CMIP: variants seen among roughly 807,000 people sequenced by gnomAD.
The protein encoded by CMIP is c-Maf inducing protein.
Under a neutral mutation model 97.3 loss-of-function variants are expected in CMIP, and 13 were observed. That is an observed-to-expected ratio of 0.13 (90% CI 0.09 to 0.21). CMIP has a LOEUF of 0.21. Among genes scored for constraint, CMIP ranks in the 10% least tolerant of loss-of-function variants. The probability of loss-of-function intolerance (pLI) is 1.00; values close to 1 mark genes in which losing one functional copy is unlikely to be tolerated. For missense variants in CMIP, 847 were observed against 1,024.9 expected, an observed-to-expected ratio of 0.83 and a Z score of 2.37; for synonymous variants, 538 against 436.3, an observed-to-expected ratio of 1.23 and a Z score of -2.91.
At chr16:81,555,271 A>G (rs1218143478) in intron 1 of CMIP, among the ~76,000 whole-genome samples, 4 of 152,104 alleles carry the variant, frequency 2.6e-5, no homozygotes, top group Admixed American at 2.0e-4. Context: ...TGAGATAGAT[A>G]CCTCCAGTTG....
intron 1 of CMIP, among the ~76,000 whole-genome samples, chr16:81,560,088 C>T (rs1431658707): frequency 1.3e-5 from 2 of 148,754 alleles, no homozygotes; most frequent in African/African-American, 5.0e-5. Flanking sequence ...GCAGAGGTTG[C>T]AGGGGCCCTG....
At chr16:81,489,610 C>T (rs1034428257) in intron 1 of CMIP, among the ~76,000 whole-genome samples, 3 of 152,194 alleles carry the variant, frequency 2.0e-5, no homozygotes, top group Non-Finnish European at 2.9e-5. Context: ...AACAGACCCA[C>T]GAGGCCACCA....
intron 1 of CMIP, among the ~76,000 whole-genome samples, chr16:81,548,658 T>C (rs2090595518): frequency 7.0e-6 from 1 of 143,794 alleles, no homozygotes; most frequent in Non-Finnish European, 1.5e-5. Context: ...CTCAGCAACA[T>C]AGGGAGACCA....
At chr16:81,662,219 CCT>C (rs2151021974) in intron 6 of CMIP, among the ~76,000 whole-genome samples, 1 of 152,314 alleles carries the variant, frequency 6.6e-6, no homozygotes, top group South Asian at 2.1e-4. Flanking sequence ...CCCATGCTTG[CCT>C]CTCAAGCTTA....
chr16:81,560,912 G>A (rs777083762), intron 1 of CMIP, among the ~76,000 whole-genome samples: 4 of 152,218 alleles, frequency 2.6e-5, no homozygotes, highest in South Asian at 2.1e-4. Context: ...TGGCATAATC[G>A]CTGAAAATGC....
chr16:81,445,374 C>G lies in CMIP; in HGVS notation c.133C>G (p.Leu45Val). 6.2e-7 allele frequency: 1 copy of G among 1,605,660 alleles called. No individual in the cohort carries two copies. The highest frequency in any genetic ancestry group is 8.5e-7 in the Non-Finnish European group (1 of 1,176,368). ...MGAVPCRRALLLCNGMRYKLL... is the reference protein window; with the variant it reads ...MGAVPCRRALVLCNGMRYKLL... ...CGCCGTGCCCTGCCGCCGGGCTCTTCTGCTTTGCAACGGGATGAGGTACAA... is the reference window on the plus strand; with the variant it reads ...CGCCGTGCCCTGCCGCCGGGCTCTTGTGCTTTGCAACGGGATGAGGTACAA... Residue 45 changes from leucine to valine, a missense_variant, in exon 1 of 21, where the codon CTG (leucine) becomes GTG (valine). Transcript: ENST00000537098.
chr16:81,469,219 C>G (rs1229316488), intron 1 of CMIP, among the ~76,000 whole-genome samples: 1 of 152,108 alleles, frequency 6.6e-6, no homozygotes, highest in Admixed American at 6.6e-5. Context: ...GCATCTAGAC[C>G]CAAGATAATG....
At chr16:81,665,106 G>C (rs934818387) in intron 7 of CMIP, 1 of 152,158 alleles carries the variant, frequency 6.6e-6, no homozygotes, top group African/African-American at 2.4e-5. Context: ...GGGACATGAA[G>C]GGAAAACTGA....
At chr16:81,581,117 G>T (rs1444994780) in intron 1 of CMIP, among the ~76,000 whole-genome samples, 1 of 152,142 alleles carries the variant, frequency 6.6e-6, no homozygotes, top group African/African-American at 2.4e-5. Flanking sequence ...CCTTCCTTTT[G>T]ATGGCAGAAT....
chr16:81,569,638 C>T (rs981723553), intron 1 of CMIP, among the ~76,000 whole-genome samples: 12 of 152,178 alleles, frequency 7.9e-5, no homozygotes, highest in African/African-American at 2.4e-4. Context: ...AATGCTTGCC[C>T]GTTTCTACTG....
chr16:81,555,435 G>C (rs1481557497), intron 1 of CMIP, among the ~76,000 whole-genome samples: 2 of 152,192 alleles, frequency 1.3e-5, no homozygotes, highest in Admixed American at 1.3e-4. Context: ...TCTCAGCAGG[G>C]AATGGGGACA....
intron 7 of CMIP, among the ~76,000 whole-genome samples, chr16:81,667,793 A>T (rs1413154172): frequency 5.8e-3 from 516 of 89,446 alleles, no homozygotes; most frequent in East Asian, 0.011. Flanking sequence ...AGAGAGAGAG[A>T]GAGAGAGTGT....
At chr16:81,613,257 G>GTA (rs1418473188) in intron 2 of CMIP, among the ~76,000 whole-genome samples, 3 of 152,176 alleles carry the variant, frequency 2.0e-5, no homozygotes, top group African/African-American at 7.2e-5. Context: ...TGCTTCATCA[G>GTA]TAGGGCAGCT....
chr16:81,480,640 G>A (rs955495922), intron 1 of CMIP, among the ~76,000 whole-genome samples: 7 of 152,208 alleles, frequency 4.6e-5, no homozygotes, highest in African/African-American at 9.7e-5. Context: ...AGGGGCACCT[G>A]TTGCTACTTA....
chr16:81,476,262 C>T (rs1352498174), intron 1 of CMIP: 3 of 1,548,166 alleles, frequency 1.9e-6, no homozygotes, highest in Admixed American at 1.7e-5. Context: ...GGATGAAGTT[C>T]TCATCTTCAA....
Position 81,670,155 on chromosome 16 carries a change from G to A in CMIP, c.839G>A (p.Cys280Tyr). 6.2e-7 allele frequency: 1 copy of A among 1,608,588 alleles called. No individual in the cohort carries two copies. The highest frequency in any genetic ancestry group is 8.5e-7 in the Non-Finnish European group (1 of 1,177,754). Residue 280 changes from cysteine (C) to tyrosine (Y), a missense_variant, in exon 8 of 21, where the codon TGC becomes TAC. By Grantham distance (194) the Cys-to-Tyr change is radical (BLOSUM62 -2). Coordinates refer to ENST00000537098, the MANE Select transcript of CMIP (RefSeq NM_198390.3). The part of the protein sequence containing the change: ...ILKHNMDFGK[C>Y]PRLRLFTQEY... ...CTGTCTCCACAGGACTTTGGGAAGT[G>A]CCCGCGACTGAGGCTGTTTACTCAG...
At chr16:81,446,221 G>A (rs1386054154) in intron 1 of CMIP, among the ~76,000 whole-genome samples, 1 of 152,060 alleles carries the variant, frequency 6.6e-6, no homozygotes, top group East Asian at 1.9e-4. Flanking sequence ...CTGCTTGGTG[G>A]AGCCCTGGTC....
chr16:81,558,369 C>T (rs2090810105), intron 1 of CMIP, among the ~76,000 whole-genome samples: 2 of 152,216 alleles, frequency 1.3e-5, no homozygotes, highest in African/African-American at 2.4e-5. Flanking sequence ...GACCAAGCTT[C>T]CCATTCTTTT....
chr16:81,450,721 A>T (rs1906152969), intron 1 of CMIP, among the ~76,000 whole-genome samples: 1 of 152,246 alleles, frequency 6.6e-6, no homozygotes, highest in South Asian at 2.1e-4. Flanking sequence ...CCAGCAGTTT[A>T]AGAAAAATTC....
Sources: gnomAD v4.1 joint callset for allele counts (sites outside exome capture counted in the v4.1 genomes callset) on GRCh38, gnomAD v4.1.1 for gene constraint, MANE v1.5 for transcripts, NCBI Gene and HGNC (gene_info 2026-07-23, HGNC 2026-07-21) for gene names.